The following DDX6 variants were observed in gnomAD, a reference collection of about 807,000 sequenced individuals.
DDX6 encodes probable ATP-dependent RNA helicase DDX6.
A neutral mutation model predicts 60.6 loss-of-function variants in DDX6; 7 were observed. The ratio of observed to expected loss-of-function variants is 0.12; its 90% confidence interval spans 0.07 to 0.22. DDX6 has a LOEUF of 0.22. Ranked by LOEUF, DDX6 falls within the 10% of genes least tolerant of loss-of-function variation. The pLI is 1.00. For synonymous variants in DDX6, 207 were observed against 201.0 expected, an observed-to-expected ratio of 1.03 and a Z score of -0.25; for missense variants, 270 against 589.9, an observed-to-expected ratio of 0.46 and a Z score of 5.62.
intron 13 of DDX6, among the ~76,000 whole-genome samples, 155 bp from the exon 14 acceptor site, chr11:118,752,252 T>G (rs1264427076): frequency 6.6e-6 from 1 of 152,194 alleles, no homozygotes; most frequent in Non-Finnish European, 1.5e-5. Context: ...TTAAATAATT[T>G]CTGGTAGGCA....
rs1860738598 is a variant in DDX6 at position 118,750,900 on chromosome 11, C to G, written c.*1205G>C. 1.3e-5 allele frequency: 2 copies of G among 152,478 alleles called. No homozygotes were observed. Among genetic ancestry groups the G allele is most frequent in the African/African-American group, 4.8e-5 (2 of 41,388 alleles). The allele number at this position is 152,478 out of a possible 1,614,324, so 9.4% of individuals were successfully genotyped here. Reference sequence around the variant, plus strand: ...CATCCCAGATTTCTGGGCCCCTTTACTAACACAGGGTACCATAGAAATCTG... The same window carrying G: ...CATCCCAGATTTCTGGGCCCCTTTAGTAACACAGGGTACCATAGAAATCTG... On this transcript the variant is annotated 3_prime_UTR_variant, in exon 14 of 14. Coordinates refer to ENST00000534980, the MANE Select transcript of DDX6 (RefSeq NM_004397.6).
intron 1 of DDX6, chr11:118,788,057 T>C (rs1481010428): frequency 6.7e-6 from 1 of 149,702 alleles, no homozygotes; most frequent in African/African-American, 2.4e-5. Flanking sequence ...ACGCCTGTAA[T>C]CCCAACACTT....
At chr11:118,780,087 C>T (rs1861840813) in intron 3 of DDX6, among the ~76,000 whole-genome samples, 1 of 111,776 alleles carries the variant, frequency 8.9e-6, no homozygotes, top group African/African-American at 3.4e-5. Flanking sequence ...ACTGCACAGC[C>T]TGGGGGGACA....
At chr11:118,789,541 T>A (rs559891535) in intron 1 of DDX6, 1 of 152,208 alleles carries the variant, frequency 6.6e-6, no homozygotes, top group African/African-American at 2.4e-5. Context: ...AATGAACAAG[T>A]TGCTCACAAG....
intron 12 of DDX6, 60 bp downstream of exon 12, chr11:118,755,342 T>C: frequency 1.0e-6 from 1 of 961,810 alleles, no homozygotes; most frequent in Non-Finnish European, 1.7e-6. Context: ...GAACAAAATT[T>C]AGTCATTACA....
At chr11:118,760,594 G>A (rs942925573) in intron 7 of DDX6, among the ~76,000 whole-genome samples, 8 of 151,928 alleles carry the variant, frequency 5.3e-5, no homozygotes, top group African/African-American at 9.7e-5. Flanking sequence ...AGGCCGAGGC[G>A]GGAGAATCAC....
chr11:118,782,404 C>G (rs1555164855), intron 2 of DDX6, among the ~76,000 whole-genome samples: 1 of 149,290 alleles, frequency 6.7e-6, no homozygotes, highest in Non-Finnish European at 1.5e-5. Flanking sequence ...ATACTCAAAG[C>G]ATCTTTAAAA....
chr11:118,762,055 A>G (rs966116237), intron 7 of DDX6, among the ~76,000 whole-genome samples: 1 of 152,062 alleles, frequency 6.6e-6, no homozygotes, highest in African/African-American at 2.4e-5. Flanking sequence ...CAGTAGGATC[A>G]CCTGAGGTCA....
intron 13 of DDX6, among the ~76,000 whole-genome samples, chr11:118,752,784 A>G (rs573397706): frequency 6.6e-6 from 1 of 152,212 alleles, no homozygotes; most frequent in Non-Finnish European, 1.5e-5. Flanking sequence ...ACTAGAGCCC[A>G]ATAGTCACCA....
rs1472019364 is a variant in DDX6 at position 118,755,445 on chromosome 11, G to A, written c.1233C>T (p.Phe411=). The stretch of plus-strand genomic sequence containing the variant: ...GGAGATAGGTCTCTGCCAGCTTTGG[G>A]AAATCAAAGTTTATTACCACATTCA... ...QAVNVVINFD[F]PKLAETYLHR... Residue 411 remains phenylalanine, a synonymous_variant, in exon 12 of 14, where the codon TTC becomes TTT. Transcript: ENST00000534980. The A allele has an allele frequency of 6.2e-7, 1 of 1,610,694 alleles. No individual in the cohort carries two copies. The highest frequency in any genetic ancestry group is 8.5e-7 in the Non-Finnish European group (1 of 1,177,828).
chr11:118,786,480 T>C lies in DDX6; in HGVS notation c.-229A>G, dbSNP rs1862078102. ...AACTTTTTATTTTTAAAAAGCCCTC[T>C]AACAAGCTTGAGTTATATCTGAATT... On this transcript the variant is annotated 5_prime_UTR_variant, in exon 2 of 14. Coordinates refer to ENST00000534980, the MANE Select transcript of DDX6 (RefSeq NM_004397.6). The C allele has an allele frequency of 8.5e-6, 3 of 353,758 alleles. No individual in the cohort carries two copies. The Admixed American group carries it at 1.4e-4, about 16-fold the overall frequency. 21.9% of individuals were successfully genotyped at this position (353,758 alleles called of 1,614,324 possible). A position where few individuals can be genotyped will look rare whatever the true frequency, so the allele number is the denominator to read the frequency against.
intron 1 of DDX6, chr11:118,790,108 G>C (rs1862217456): frequency 6.6e-6 from 1 of 152,056 alleles, no homozygotes; most frequent in Non-Finnish European, 1.5e-5. Flanking sequence ...TTCTAGCTTT[G>C]CCTGCAAGTT....
intron 7 of DDX6, among the ~76,000 whole-genome samples, chr11:118,761,975 T>C (rs782140837): frequency 1.3e-5 from 2 of 151,956 alleles, no homozygotes; most frequent in Non-Finnish European, 2.9e-5. Context: ...TAAATCATGT[T>C]ACCTAAAACA....
chr11:118,760,551 G>A (rs782078187), intron 7 of DDX6, among the ~76,000 whole-genome samples: 21 of 151,924 alleles, frequency 1.4e-4, no homozygotes, highest in Middle Eastern at 3.5e-3. Flanking sequence ...GGCCGGGCGC[G>A]GTGGCTCACG....
In DDX6 at chr11:118,748,105, G is replaced by GT. The variant is rs1446244664; in HGVS notation, c.*3999dup. On this transcript the variant is annotated 3_prime_UTR_variant, in exon 14 of 14. Coordinates refer to ENST00000534980, the MANE Select transcript of DDX6 (RefSeq NM_004397.6). Reference sequence around the variant, plus strand: ...TTTCAAAAAAGGGAATAGTGACTTTGTTTTCTCCAGGCTCCCCTTCCCACA... The same window carrying GT: ...TTTCAAAAAAGGGAATAGTGACTTTGTTTTTCTCCAGGCTCCCCTTCCCACA... 6.6e-6 allele frequency: 1 copy of GT among 152,036 alleles called. No individual in the cohort carries two copies. Among genetic ancestry groups the GT allele is most frequent in the Admixed American group, 6.6e-5 (1 of 15,254 alleles). 9.4% of individuals were successfully genotyped at this position (152,036 alleles called of 1,614,324 possible).
chr11:118,765,497 T>A (rs782633459), intron 5 of DDX6, 142 bp from the exon 6 acceptor site: 4 of 857,732 alleles, frequency 4.7e-6, no homozygotes, highest in Admixed American at 2.1e-5. Flanking sequence ...CTGCACCTTA[T>A]GATGCAGTGG....
intron 5 of DDX6, among the ~76,000 whole-genome samples, chr11:118,767,376 CA>C (rs1208144382): frequency 6.6e-6 from 1 of 152,176 alleles, no homozygotes; most frequent in Non-Finnish European, 1.5e-5. Flanking sequence ...AAGATAATTA[CA>C]GATCACGAAA....
intron 12 of DDX6, among the ~76,000 whole-genome samples, chr11:118,755,193 A>G (rs1860924262): frequency 6.6e-6 from 1 of 152,360 alleles, no homozygotes; most frequent in Non-Finnish European, 1.5e-5. Context: ...TCATGTGTTA[A>G]TTTCATCTCA....
intron 4 of DDX6, 29 bp downstream of exon 4, chr11:118,779,603 T>C: frequency 7.0e-7 from 1 of 1,426,544 alleles, no homozygotes; most frequent in Non-Finnish European, 9.8e-7. Flanking sequence ...CACATAACCT[T>C]ACATATGTGA....
Sources: gnomAD v4.1 joint callset for allele counts (sites outside exome capture counted in the v4.1 genomes callset) on GRCh38, gnomAD v4.1.1 for gene constraint, MANE v1.5 for transcripts, NCBI Gene and HGNC (gene_info 2026-07-23, HGNC 2026-07-21) for gene names.